The following UNC13C variants were observed in gnomAD, a reference collection of about 807,000 sequenced individuals.
UNC13C encodes the protein protein unc-13 homolog C.
A neutral mutation model predicts 245.4 loss-of-function variants in UNC13C; 174 were observed. The ratio of observed to expected loss-of-function variants is 0.71; its 90% CI spans 0.63 to 0.80. The LOEUF (loss-of-function observed/expected upper bound fraction) is 0.80, where lower values mean the gene tolerates loss of function less well. Among genes scored for constraint, UNC13C ranks in the 30% least tolerant of loss-of-function variants. The pLI is 0.00. For synonymous variants in UNC13C, 992 were observed against 895.1 expected (o/e 1.11, Z -1.93); for missense variants, 2,829 against 2,602.9 (o/e 1.09, Z -1.89).
chr15:54,286,150 G>A (rs1442425803), intron 10 of UNC13C, among the ~76,000 whole-genome samples: 3 of 152,260 alleles, frequency 2.0e-5, no homozygotes, highest in Middle Eastern at 3.4e-3. Flanking sequence ...CAAAGTGCTA[G>A]GATTACAGGC....
intron 19 of UNC13C, among the ~76,000 whole-genome samples, chr15:54,490,279 ATTTAGGTATCT>A (rs980868591): frequency 6.6e-5 from 10 of 152,198 alleles, no homozygotes; most frequent in Non-Finnish European, 1.5e-4. Context: ...CTTTAGAAAG[ATTTAGGTATCT>A]TTCCTATCTC....
intron 4 of UNC13C, among the ~76,000 whole-genome samples, chr15:54,150,142 A>G (rs2032451519): frequency 6.6e-6 from 1 of 151,972 alleles, no homozygotes; most frequent in African/African-American, 2.4e-5. Context: ...TAGTGTTTCT[A>G]TTTTTTTGGT....
intron 19 of UNC13C, among the ~76,000 whole-genome samples, chr15:54,480,341 C>T (rs1893034285): frequency 6.6e-6 from 1 of 151,012 alleles, no homozygotes; most frequent in Non-Finnish European, 1.5e-5. Context: ...CCCTCTGGGA[C>T]ACTGAAGTTT....
chr15:54,522,680 A>G (rs1221051459), intron 24 of UNC13C, among the ~76,000 whole-genome samples: 1 of 152,184 alleles, frequency 6.6e-6, no homozygotes, highest in African/African-American at 2.4e-5. Flanking sequence ...TGAAATTCCC[A>G]AGCCCTTCGT....
chr15:54,353,544 A>G (rs2039030183), intron 17 of UNC13C, among the ~76,000 whole-genome samples: 4 of 152,202 alleles, frequency 2.6e-5, no homozygotes, highest in African/African-American at 9.6e-5. Flanking sequence ...GCGAAGAGGT[A>G]CGGTAGAATC....
chr15:54,500,436 T>A (rs1894154496), intron 21 of UNC13C, among the ~76,000 whole-genome samples: 1 of 152,074 alleles, frequency 6.6e-6, no homozygotes, highest in African/African-American at 2.4e-5. Context: ...ACAGGTTTCC[T>A]AACCTTGTAC....
At chr15:54,002,022 C>G (rs1335573481) in intron 1 of UNC13C, among the ~76,000 whole-genome samples, 1 of 152,178 alleles carries the variant, frequency 6.6e-6, no homozygotes, top group Admixed American at 6.5e-5. Context: ...CGTGGTGGCT[C>G]ACGCCTGTAA....
chr15:54,042,581 T>C (rs753458170), intron 2 of UNC13C, among the ~76,000 whole-genome samples: 7 of 152,216 alleles, frequency 4.6e-5, no homozygotes, highest in African/African-American at 9.6e-5. Flanking sequence ...AGGCCGGGTG[T>C]GGTGGGTCAC....
chr15:54,483,139 T>A (rs1893219352), intron 19 of UNC13C, among the ~76,000 whole-genome samples: 1 of 152,224 alleles, frequency 6.6e-6, no homozygotes, highest in African/African-American at 2.4e-5. Context: ...TTTCTTCTTA[T>A]GGCTTTGTTT....
chr15:54,094,833 G>T (rs931034144), intron 2 of UNC13C, among the ~76,000 whole-genome samples: 10 of 152,186 alleles, frequency 6.6e-5, no homozygotes, highest in Non-Finnish European at 1.3e-4. Context: ...CTTTGGGGTT[G>T]TTGGGGAAAC....
At chr15:54,143,322 T>A (rs1432506518) in intron 3 of UNC13C, among the ~76,000 whole-genome samples, 2 of 152,194 alleles carry the variant, frequency 1.3e-5, no homozygotes, top group African/African-American at 4.8e-5. Flanking sequence ...AATCATGACC[T>A]TTCTGACTGA....
At chr15:53,990,474 A>G (rs1209140273) in intron 1 of UNC13C, among the ~76,000 whole-genome samples, 1 of 152,202 alleles carries the variant, frequency 6.6e-6, no homozygotes, top group Non-Finnish European at 1.5e-5. Context: ...GTATCTGTAT[A>G]TGAAGGACAT....
chr15:54,060,507 T>G (rs1260398166), intron 2 of UNC13C, among the ~76,000 whole-genome samples: 1 of 152,244 alleles, frequency 6.6e-6, no homozygotes, highest in Non-Finnish European at 1.5e-5. Flanking sequence ...AGAACACTTT[T>G]GCACTGTTGG....
At chr15:54,525,499 G>A (rs1895411123) in intron 24 of UNC13C, 50 bp from the exon 25 acceptor site, 5 of 1,393,620 alleles carry the variant, frequency 3.6e-6, no homozygotes, top group African/African-American at 2.8e-5. Flanking sequence ...CAAAACAGAG[G>A]CATGCTTTCT....
chr15:54,190,328 A>G (rs1464979901), intron 4 of UNC13C, among the ~76,000 whole-genome samples: 1 of 152,148 alleles, frequency 6.6e-6, no homozygotes, highest in African/African-American at 2.4e-5. Context: ...ATAAAAATTC[A>G]AAAAGCAAAA....
At chr15:54,043,206 A>G (rs774890765) in intron 2 of UNC13C, among the ~76,000 whole-genome samples, 3 of 152,232 alleles carry the variant, frequency 2.0e-5, no homozygotes, top group Admixed American at 6.5e-5. Context: ...AATTTATTTT[A>G]ATGCATTTAT....
intron 2 of UNC13C, among the ~76,000 whole-genome samples, chr15:54,072,463 G>T (rs917426295): frequency 6.6e-6 from 1 of 152,140 alleles, no homozygotes; most frequent in African/African-American, 2.4e-5. Context: ...CTTCAATGGA[G>T]CCAATAGAGC....
chr15:54,581,272 G>A (rs897035260), intron 30 of UNC13C, among the ~76,000 whole-genome samples: 3 of 152,182 alleles, frequency 2.0e-5, no homozygotes, highest in Non-Finnish European at 4.4e-5. Context: ...AGATCAAAGC[G>A]ACAAGAAGAC....
chr15:54,266,197 A>C (rs1165736512), intron 10 of UNC13C, among the ~76,000 whole-genome samples: 1 of 151,968 alleles, frequency 6.6e-6, no homozygotes, highest in Non-Finnish European at 1.5e-5. Context: ...AGGTAAATAC[A>C]CCCAGAACAT....
Sources: allele counts gnomAD v4.1 joint callset (sites outside exome capture counted in the v4.1 genomes callset), GRCh38; gene constraint gnomAD v4.1.1; transcripts MANE v1.5; gene names NCBI Gene and HGNC (gene_info 2026-07-23, HGNC 2026-07-21).